Variants in AK5 observed in about 807,000 individuals in gnomAD.
The protein encoded by AK5 is adenylate kinase isoenzyme 5.
A neutral mutation model predicts 69.5 loss-of-function variants in AK5; 27 were observed. The ratio of observed to expected loss-of-function variants is 0.39; its 90% CI spans 0.29 to 0.54. The LOEUF is 0.54. Ranked by LOEUF, AK5 falls within the 20% of genes least tolerant of loss-of-function variation. The probability of loss-of-function intolerance (pLI) is 0.71; values close to 1 mark genes in which losing one functional copy is unlikely to be tolerated. For synonymous variants in AK5, 260 were observed against 244.4 expected (o/e 1.06, Z -0.60); for missense variants, 531 against 700.4 (o/e 0.76, Z 2.73).
chr1:77,484,989 A>G (rs1655496809), intron 9 of AK5, among the ~76,000 whole-genome samples: 1 of 152,204 alleles, frequency 6.6e-6, no homozygotes, highest in African/African-American at 2.4e-5. Flanking sequence ...AAAAATCACA[A>G]TAATAACCAG....
At chr1:77,391,002 T>C (rs1648386624) in intron 6 of AK5, among the ~76,000 whole-genome samples, 1 of 152,194 alleles carries the variant, frequency 6.6e-6, no homozygotes, top group South Asian at 2.1e-4. Flanking sequence ...ATTATCAAAA[T>C]AATCCACGGA....
intron 6 of AK5, among the ~76,000 whole-genome samples, chr1:77,368,336 A>T (rs1378298222): frequency 7.3e-6 from 1 of 136,358 alleles, no homozygotes; most frequent in Non-Finnish European, 1.5e-5. Flanking sequence ...TATGTTATAT[A>T]TGTTATATAT....
Position 77,357,323 on chromosome 1 carries a change from A to G in AK5, c.891+16755A>G, listed in dbSNP as rs570806157. 2.0e-5 allele frequency among the ~76,000 whole-genome samples: 3 copies of G among 152,204 alleles called. No homozygotes were observed. In the South Asian group the frequency reaches 6.2e-4, roughly 32 times the overall value. On this transcript the variant is annotated intron_variant, in intron 6 of 13. Coordinates refer to ENST00000354567, the MANE Select transcript of AK5 (RefSeq NM_174858.3). ...AGTCTCTTAATCTCTCTAAGATGAAATGTCCTCATCTGTAAAATGGGAATG... is the reference window on the plus strand; with the variant it reads ...AGTCTCTTAATCTCTCTAAGATGAAGTGTCCTCATCTGTAAAATGGGAATG...
chr1:77,483,431 T>A lies in AK5; in HGVS notation c.1102+72T>A, dbSNP rs562219849. ...TTGACCATGCCTTTTTAATTAAACA[T>A]CAACTTGAGAGAAAAAATATTAACA... On this transcript the variant is annotated intron_variant, in intron 9 of 13. Transcript: ENST00000354567. 26 of 1,191,140 alleles carry A rather than the reference T, an allele frequency of 2.2e-5. No homozygotes were observed. In the African/African-American group the frequency reaches 3.8e-4, roughly 17 times the overall value. 73.8% of individuals were successfully genotyped at this position (1,191,140 alleles called of 1,614,324 possible). A position where few individuals can be genotyped will look rare whatever the true frequency, so the allele number is the denominator to read the frequency against.
chr1:77,416,468 T>G (rs1650435547), intron 7 of AK5, among the ~76,000 whole-genome samples: 1 of 152,236 alleles, frequency 6.6e-6, no homozygotes, highest in Admixed American at 6.5e-5. Context: ...ATGTCCATTT[T>G]GAAAAACTTT....
chr1:77,496,596 T>C (rs530764239), intron 10 of AK5, among the ~76,000 whole-genome samples: 1 of 152,218 alleles, frequency 6.6e-6, no homozygotes, highest in African/African-American at 2.4e-5. Context: ...AGATCCATTA[T>C]GGGAACAGGT....
chr1:77,436,496 G>T (rs899200044), intron 8 of AK5, among the ~76,000 whole-genome samples: 4 of 151,552 alleles, frequency 2.6e-5, no homozygotes, highest in Non-Finnish European at 5.9e-5. Flanking sequence ...GTGTATTAAT[G>T]AACCCAAATA....
At chr1:77,520,021 GTGAAAC>G (rs1419305679) in intron 11 of AK5, among the ~76,000 whole-genome samples, 1 of 152,040 alleles carries the variant, frequency 6.6e-6, no homozygotes, top group Non-Finnish European at 1.5e-5. Flanking sequence ...GGCCAACATG[GTGAAAC>G]CCCATCTCTA....
intron 8 of AK5, among the ~76,000 whole-genome samples, chr1:77,433,579 C>T (rs1295195865): frequency 6.6e-6 from 1 of 150,448 alleles, no homozygotes; most frequent in Non-Finnish European, 1.5e-5. Flanking sequence ...CTTAAGTAAA[C>T]AATCATATTG....
At chr1:77,437,330 C>A (rs777135088) in intron 8 of AK5, among the ~76,000 whole-genome samples, 1 of 152,020 alleles carries the variant, frequency 6.6e-6, no homozygotes. Context: ...TAAAAACATA[C>A]AGACAACATG....
At chr1:77,503,118 T>A (rs1000590232) in intron 10 of AK5, among the ~76,000 whole-genome samples, 2 of 152,208 alleles carry the variant, frequency 1.3e-5, no homozygotes, top group Non-Finnish European at 1.5e-5. Context: ...AGGCTCTATA[T>A]CTAGTACATA....
chr1:77,391,497 A>ATGTG (rs1298435029), intron 6 of AK5, among the ~76,000 whole-genome samples: 66 of 7,150 alleles, frequency 9.2e-3, no homozygotes, highest in African/African-American at 0.047. Flanking sequence ...GTGTGTGTGT[A>ATGTG]TATATATATA....
Position 77,348,866 on chromosome 1 carries a change from G to T in AK5, c.891+8298G>T, listed in dbSNP as rs2123799. On this transcript the variant is annotated intron_variant, in intron 6 of 13. Coordinates refer to ENST00000354567, the MANE Select transcript of AK5 (RefSeq NM_174858.3). Reference sequence around the variant, plus strand: ...GTCAACAAATATTCCAGACTTCAGAGTTAGGTCTTCATTTGAAATGTTTTA... The same window carrying T: ...GTCAACAAATATTCCAGACTTCAGATTTAGGTCTTCATTTGAAATGTTTTA... Among the ~76,000 whole-genome samples the T allele has an allele frequency of 7.9e-5, 12 of 152,228 alleles. No homozygotes were observed. The East Asian group carries it at 2.1e-3, about 27-fold the overall frequency.
intron 6 of AK5, among the ~76,000 whole-genome samples, chr1:77,357,996 T>TGC: frequency 9.9e-6 from 1 of 100,522 alleles, no homozygotes; most frequent in South Asian, 4.0e-4. Flanking sequence ...GAGAGTAGTG[T>TGC]GTGTGTGTGT....
intron 6 of AK5, among the ~76,000 whole-genome samples, chr1:77,375,579 T>C (rs554641994): frequency 2.0e-4 from 30 of 152,278 alleles, no homozygotes; most frequent in Admixed American, 1.0e-3. Flanking sequence ...AGGTTACAAA[T>C]GTTTTGATGG....
chr1:77,311,204 T>G (rs2100292797), intron 5 of AK5, among the ~76,000 whole-genome samples: 1 of 152,258 alleles, frequency 6.6e-6, no homozygotes. Context: ...CTTAGAACAT[T>G]CCTTTACTAC....
chr1:77,443,725 T>A (rs1011600666), intron 8 of AK5, among the ~76,000 whole-genome samples: 1 of 95,076 alleles, frequency 1.1e-5, no homozygotes, highest in East Asian at 3.0e-4. Flanking sequence ...GTGTGTGTGT[T>A]CAACTGAATT....
At chr1:77,516,785 AG>A (rs1316931553) in intron 10 of AK5, among the ~76,000 whole-genome samples, 2 of 151,892 alleles carry the variant, frequency 1.3e-5, no homozygotes, top group African/African-American at 4.8e-5. Flanking sequence ...AAATGGGGAG[AG>A]GGGCCCGGCA....
At chr1:77,313,309 A>T (rs1660061420) in intron 5 of AK5, among the ~76,000 whole-genome samples, 1 of 152,100 alleles carries the variant, frequency 6.6e-6, no homozygotes, top group Admixed American at 6.5e-5. Context: ...CTAGGCTTCC[A>T]ATCTTGGAGG....
Sources: allele counts gnomAD v4.1 joint callset (sites outside exome capture counted in the v4.1 genomes callset), GRCh38; gene constraint gnomAD v4.1.1; transcripts MANE v1.5; gene names NCBI Gene and HGNC (gene_info 2026-07-23, HGNC 2026-07-21).